The following DMD variants were observed in gnomAD, a reference collection of about 807,000 sequenced individuals.
DMD encodes mutant dystrophin.
DMD carries 63 observed loss-of-function variants against 330.1 expected under a neutral mutation model. The ratio of observed to expected loss-of-function variants is 0.19; its 90% CI spans 0.16 to 0.24. The LOEUF (loss-of-function observed/expected upper bound fraction) is 0.24. DMD is among the 10% of genes least tolerant of loss of function. The pLI is 1.00. For synonymous variants in DMD, 1,223 were observed against 959.8 expected (o/e 1.27, Z -5.07); for missense variants, 3,344 against 2,684.1 (o/e 1.25, Z -5.43).
rs769886566 is a variant in DMD at position 32,851,288 on chromosome X, ACCAACCAGT to A, written c.94-1477_94-1469del. 2.1e-3 allele frequency among the ~76,000 whole-genome samples: 230 copies of A among 112,152 alleles called. 1 individual carries two copies. The highest frequency in any genetic ancestry group is 3.2e-3 in the Non-Finnish European group (169 of 53,247). ...GCAGGGAACAATGATACCTGCGGCA[ACCAACCAGT>A]CCCTGTGTGCCCAGCTTTGTGAATC... On this transcript the variant is annotated intron_variant, in intron 2 of 78. Transcript: ENST00000357033.
At chrX:32,577,465 A>C (rs2053185489) in intron 13 of DMD, among the ~76,000 whole-genome samples, 1 of 112,597 alleles carries the variant, frequency 8.9e-6, no homozygotes, top group Non-Finnish European at 1.9e-5. Context: ...AATAATACCA[A>C]CCCGTTAAAG....
intron 2 of DMD, among the ~76,000 whole-genome samples, chrX:32,949,153 A>G (rs2091020834): frequency 1.8e-5 from 2 of 110,244 alleles, no homozygotes; most frequent in African/African-American, 3.3e-5. Context: ...ACACCCATCT[A>G]TTGTCTTGCT....
chrX:31,127,062 G>A (rs184102390), intron 77 of DMD, among the ~76,000 whole-genome samples: 1 of 112,136 alleles, frequency 8.9e-6, no homozygotes, highest in African/African-American at 3.2e-5. Flanking sequence ...TTGACAATCA[G>A]CACATTGAAA....
chrX:31,346,926 G>A (rs774156020), intron 61 of DMD, among the ~76,000 whole-genome samples: 80 of 99,234 alleles, frequency 8.1e-4, no homozygotes, highest in African/African-American at 2.6e-3. Flanking sequence ...GTTTGAACCC[G>A]GGAGGCGGAG....
At chrX:32,209,128 T>C (rs1191181640) in intron 44 of DMD, among the ~76,000 whole-genome samples, 2 of 112,005 alleles carry the variant, frequency 1.8e-5, no homozygotes, top group Non-Finnish European at 3.8e-5. Context: ...ATGTTCATTC[T>C]AATGGAAAAG....
chrX:32,790,239 A>G (rs952844085), intron 7 of DMD, among the ~76,000 whole-genome samples: 4 of 111,883 alleles, frequency 3.6e-5, no homozygotes, highest in Non-Finnish European at 7.5e-5. Flanking sequence ...AAAACCACTA[A>G]AAGGAAAAAG....
chrX:32,928,922 T>C (rs2089333037), intron 2 of DMD, among the ~76,000 whole-genome samples: 1 of 112,175 alleles, frequency 8.9e-6, no homozygotes, highest in Admixed American at 9.5e-5. Context: ...CCTTGTTCTG[T>C]TTAAACACAT....
chrX:32,847,113 T>C (rs887434721), intron 3 of DMD, among the ~76,000 whole-genome samples: 12 of 112,427 alleles, frequency 1.1e-4, no homozygotes, highest in African/African-American at 1.6e-4. Context: ...TTTAAAGTTT[T>C]GAAAATAATT....
In DMD at chrX:33,009,271, T is replaced by C. The variant is rs865856069; in HGVS notation, c.93+10868A>G. 3.0e-5 allele frequency among the ~76,000 whole-genome samples: 2 copies of C among 66,809 alleles called. 1 individual carries two copies. Among genetic ancestry groups the C allele is most frequent in the Non-Finnish European group, 6.3e-5 (2 of 31,630 alleles). 58.0% of individuals were successfully genotyped at this position (66,809 alleles called of 115,157 possible). A position where few individuals can be genotyped will look rare whatever the true frequency, so the allele number is the denominator to read the frequency against. Reference sequence around the variant, plus strand: ...GCATATATGTGTATGTGTGTATATATACACATATGTGTATGTGTGTATATG... The same window carrying C: ...GCATATATGTGTATGTGTGTATATACACACATATGTGTATGTGTGTATATG... On this transcript the variant is annotated intron_variant, in intron 2 of 78. Coordinates refer to ENST00000357033, the MANE Select transcript of DMD (RefSeq NM_004006.3).
intron 9 of DMD, among the ~76,000 whole-genome samples, chrX:32,682,683 T>G (rs1194751459): frequency 2.7e-5 from 3 of 112,142 alleles, no homozygotes; most frequent in Non-Finnish European, 5.6e-5. Context: ...CAACATAAAT[T>G]TAGCAGTGTA....
intron 47 of DMD, among the ~76,000 whole-genome samples, chrX:31,891,862 G>C (rs1433927509): frequency 8.9e-6 from 1 of 112,082 alleles, no homozygotes; most frequent in Non-Finnish European, 1.9e-5. Context: ...TTTAACGGGT[G>C]AGTTGGTGAG....
rs748026111 is a variant in DMD at position 31,158,692 on chromosome X, G to C, written c.10553+10751C>G. Among the ~76,000 whole-genome samples the C allele has an allele frequency of 7.2e-5, 8 of 111,850 alleles. No homozygotes were observed. In the East Asian group the frequency reaches 1.7e-3, roughly 23 times the overall value. On this transcript the variant is annotated intron_variant, in intron 74 of 78. Coordinates refer to ENST00000357033, the MANE Select transcript of DMD (RefSeq NM_004006.3). ...AGGTCTTATAAAAAACTAAGTTCTA[G>C]ATTCAAAATTTTATTTCTTATAGCA...
At chrX:32,628,712 T>G (rs2058536724) in intron 11 of DMD, among the ~76,000 whole-genome samples, 1 of 110,906 alleles carries the variant, frequency 9.0e-6, no homozygotes, top group Admixed American at 9.6e-5. Context: ...TTGGTTACAT[T>G]GCGTTTCCTT....
intron 48 of DMD, among the ~76,000 whole-genome samples, chrX:31,853,902 C>A (rs2093571737): frequency 8.9e-6 from 1 of 111,996 alleles, no homozygotes; most frequent in Non-Finnish European, 1.9e-5. Flanking sequence ...ATGCATAAGG[C>A]TTCTAGGCCA....
chrX:31,768,205 C>T (rs940966420), intron 51 of DMD, among the ~76,000 whole-genome samples: 4 of 111,331 alleles, frequency 3.6e-5, no homozygotes, highest in African/African-American at 1.3e-4. Context: ...CACAGGCAAT[C>T]AGACACCAGT....
At chrX:32,908,706 T>C (rs1370953005) in intron 2 of DMD, among the ~76,000 whole-genome samples, 1 of 111,789 alleles carries the variant, frequency 8.9e-6, no homozygotes, top group Non-Finnish European at 1.9e-5. Flanking sequence ...TAATGATGCC[T>C]TACAGACCCA....
intron 2 of DMD, among the ~76,000 whole-genome samples, chrX:33,002,844 T>C (rs1307293162): frequency 1.2e-5 from 1 of 81,534 alleles, no homozygotes; most frequent in Non-Finnish European, 2.3e-5. Context: ...GTGATATTTT[T>C]TTCTCGAAAA....
At chrX:31,439,025 C>T (rs758652614) in intron 60 of DMD, among the ~76,000 whole-genome samples, 2 of 111,254 alleles carry the variant, frequency 1.8e-5, no homozygotes, top group Non-Finnish European at 3.8e-5. Context: ...ACTATGATCC[C>T]ATCACATCCT....
chrX:31,844,210 T>C (rs1446011400), intron 48 of DMD, among the ~76,000 whole-genome samples: 2 of 111,409 alleles, frequency 1.8e-5, no homozygotes, highest in Admixed American at 9.6e-5. Context: ...TTTTTGTATA[T>C]AGTGAAAGGT....
Sources: gnomAD v4.1 joint callset for allele counts (sites outside exome capture counted in the v4.1 genomes callset) on GRCh38, gnomAD v4.1.1 for gene constraint, MANE v1.5 for transcripts, NCBI Gene and HGNC (gene_info 2026-07-23, HGNC 2026-07-21) for gene names.